The following LOC112694756 variants were observed in gnomAD, a reference collection of about 807,000 sequenced individuals.
the LOC112694756 span, among the ~76,000 whole-genome samples, chr16:30,056,932 A>G: frequency 5.9e-5 from 7 of 118,808 alleles, no homozygotes; most frequent in Non-Finnish European, 1.2e-4. Context: ...TTTTTTTGAG[A>G]CGAGTCTTGC....
the LOC112694756 span, among the ~76,000 whole-genome samples, chr16:30,056,887 C>T: frequency 8.0e-5 from 12 of 150,004 alleles, no homozygotes; most frequent in Admixed American, 8.0e-4. Flanking sequence ...AGGAGTGAGC[C>T]ACCATGCCCA....
At chr16:30,066,233 A>AG in the LOC112694756 span, 1 of 152,218 alleles carries the variant, frequency 6.6e-6, no homozygotes, top group African/African-American at 2.4e-5. Context: ...GGATCCTAAG[A>AG]GGCAGTGAGG....
the LOC112694756 span, chr16:30,068,890 T>C: frequency 3.1e-6 from 5 of 1,614,250 alleles, no homozygotes; most frequent in Non-Finnish European, 4.2e-6. Flanking sequence ...TGGCGTTGTG[T>C]GCTGAAGATT....
the LOC112694756 span, among the ~76,000 whole-genome samples, chr16:30,065,372 G>C: frequency 6.6e-6 from 1 of 152,228 alleles, no homozygotes. Context: ...CCCGGGCCGC[G>C]CGCGCTGGGC....
chr16:30,059,335 A>G, the LOC112694756 span, among the ~76,000 whole-genome samples: 1 of 151,634 alleles, frequency 6.6e-6, no homozygotes, highest in East Asian at 2.0e-4. Context: ...GTCTCTACTA[A>G]AATACAAAAA....
chr16:30,066,818 T>C, the LOC112694756 span: 1 of 1,480,462 alleles, frequency 6.8e-7, no homozygotes, highest in East Asian at 2.5e-5. Context: ...CCCACGAGGG[T>C]GTTGGGCCCT....
At chr16:30,065,832 C>T in the LOC112694756 span, 2 of 152,864 alleles carry the variant, frequency 1.3e-5, no homozygotes, top group African/African-American at 4.8e-5. Flanking sequence ...CAGAAGGGGT[C>T]CTGGTGACGA....
the LOC112694756 span, chr16:30,055,108 C>A: frequency 1.8e-5 from 7 of 398,944 alleles, no homozygotes; most frequent in Non-Finnish European, 4.4e-6. Context: ...CCTTTCCCCT[C>A]GGGAAAGCTG....
At chr16:30,060,520 C>G in the LOC112694756 span, among the ~76,000 whole-genome samples, 2 of 152,094 alleles carry the variant, frequency 1.3e-5, no homozygotes, top group Admixed American at 6.6e-5. Flanking sequence ...ACAGCAGATT[C>G]CTTCCAGAAG....
chr16:30,058,485 T>C, the LOC112694756 span, among the ~76,000 whole-genome samples: 1 of 150,342 alleles, frequency 6.7e-6, no homozygotes, highest in Admixed American at 6.6e-5. Context: ...CTTTTTTTTT[T>C]CTTTTTTCTT....
chr16:30,070,204 G>T, the LOC112694756 span: 1 of 1,614,070 alleles, frequency 6.2e-7, no homozygotes, highest in East Asian at 2.2e-5. Flanking sequence ...CTCTAACCAC[G>T]CCTATTAAGC....
the LOC112694756 span, among the ~76,000 whole-genome samples, chr16:30,053,954 G>C: frequency 2.6e-5 from 4 of 152,142 alleles, no homozygotes. Context: ...TTTAAGCCCA[G>C]GAGCTCGAGG....
the LOC112694756 span, chr16:30,069,490 C>T: frequency 6.2e-7 from 1 of 1,614,160 alleles, no homozygotes; most frequent in Admixed American, 1.7e-5. Flanking sequence ...TGCGCCTGCT[C>T]TGCTCCAGGT....
chr16:30,069,222 C>T, the LOC112694756 span: 261 of 1,482,428 alleles, frequency 1.8e-4, no homozygotes, highest in Non-Finnish European at 8.8e-5. Context: ...CATCAAGATA[C>T]GGTCTTGACC....
At chr16:30,068,229 A>G in the LOC112694756 span, 5 of 316,724 alleles carry the variant, frequency 1.6e-5, no homozygotes, top group Non-Finnish European at 1.8e-5. Flanking sequence ...CACCCGGCTA[A>G]TTTTTTTTGT....
chr16:30,066,383 C>T, the LOC112694756 span: 5 of 153,342 alleles, frequency 3.3e-5, no homozygotes, highest in South Asian at 2.0e-4. Flanking sequence ...CCCTGTCTCT[C>T]CTTATCGGGC....
the LOC112694756 span, chr16:30,059,146 T>G: frequency 2.5e-6 from 1 of 395,362 alleles, no homozygotes; most frequent in African/African-American, 2.1e-5. Context: ...AGTTCTCATA[T>G]GATTCTGATG....
the LOC112694756 span, chr16:30,067,233 G>A: frequency 1.2e-6 from 2 of 1,612,236 alleles, no homozygotes; most frequent in South Asian, 1.1e-5. Context: ...CCTGTATCCA[G>A]GAACTTGCTA....
chr16:30,054,708 C>T, the LOC112694756 span: 9 of 399,240 alleles, frequency 2.3e-5, no homozygotes, highest in Non-Finnish European at 4.0e-5. Flanking sequence ...GCCACCTCCT[C>T]GTCCCTCATG....
Sources: allele counts gnomAD v4.1 joint callset (sites outside exome capture counted in the v4.1 genomes callset), GRCh38; gene constraint gnomAD v4.1.1; transcripts MANE v1.5.